The following ROBO2 variants were observed in gnomAD, a reference collection of about 807,000 sequenced individuals.
ROBO2 encodes the protein roundabout homolog 2.
ROBO2 carries 53 observed loss-of-function variants against 160.8 expected under a neutral mutation model. That is an observed-to-expected ratio of 0.33 (90% CI 0.26 to 0.41). ROBO2 has a LOEUF of 0.41. Among genes scored for constraint, ROBO2 ranks in the 10% least tolerant of loss-of-function variants. The pLI, the probability that ROBO2 is intolerant of heterozygous loss-of-function variation, is 1.00. For synonymous variants in ROBO2, 664 were observed against 611.7 expected (o/e 1.09, Z -1.26); for missense variants, 1,577 against 1,722.4 (o/e 0.92, Z 1.49).
chr3:76,220,483 C>T (rs1703892584), intron 2 of ROBO2, among the ~76,000 whole-genome samples: 1 of 152,074 alleles, frequency 6.6e-6, no homozygotes, highest in Admixed American at 6.6e-5. Flanking sequence ...AGTGAGGCTG[C>T]TTTTGTCTTT....
At chr3:76,832,608 G>T (rs773874444) in intron 2 of ROBO2, among the ~76,000 whole-genome samples, 1 of 152,112 alleles carries the variant, frequency 6.6e-6, no homozygotes, top group Non-Finnish European at 1.5e-5. Flanking sequence ...TGAGATGACC[G>T]CTGAAGGGTG....
At chr3:76,764,500 G>T (rs2061473131) in intron 2 of ROBO2, among the ~76,000 whole-genome samples, 1 of 151,612 alleles carries the variant, frequency 6.6e-6, no homozygotes. Flanking sequence ...AATATTAAAT[G>T]ACCATTTATA....
chr3:77,630,911 C>G (rs1235481507), intron 23 of ROBO2: 1 of 150,824 alleles, frequency 6.6e-6, no homozygotes, highest in Non-Finnish European at 1.5e-5. Flanking sequence ...ATCCTCCGTT[C>G]CAGAGTTTCA....
chr3:77,012,296 T>G (rs1419615889), intron 2 of ROBO2, among the ~76,000 whole-genome samples: 1 of 152,186 alleles, frequency 6.6e-6, no homozygotes, highest in Non-Finnish European at 1.5e-5. Context: ...CACCAAATAA[T>G]AGAAATGTAC....
intron 2 of ROBO2, among the ~76,000 whole-genome samples, chr3:77,413,670 T>C (rs1432946361): frequency 6.6e-6 from 1 of 152,140 alleles, no homozygotes; most frequent in East Asian, 1.9e-4. Context: ...AATTAGAATA[T>C]GGTGTATTTT....
intron 2 of ROBO2, among the ~76,000 whole-genome samples, chr3:77,237,982 C>T (rs894554824): frequency 3.9e-5 from 6 of 152,086 alleles, no homozygotes; most frequent in South Asian, 2.1e-4. Context: ...ATTTACCTGA[C>T]GACATATGAT....
At chr3:76,379,954 T>G (rs1387942112) in intron 2 of ROBO2, among the ~76,000 whole-genome samples, 2 of 152,182 alleles carry the variant, frequency 1.3e-5, no homozygotes, top group African/African-American at 4.8e-5. Context: ...TTGTTATTTA[T>G]TTTTCATTTA....
At chr3:77,514,803 T>G (rs1425525330) in intron 5 of ROBO2, among the ~76,000 whole-genome samples, 1 of 151,742 alleles carries the variant, frequency 6.6e-6, no homozygotes, top group Non-Finnish European at 1.5e-5. Flanking sequence ...CATGGACCAA[T>G]GTATCTTGAA....
At chr3:76,659,521 G>C (rs552852694) in intron 2 of ROBO2, among the ~76,000 whole-genome samples, 1 of 151,944 alleles carries the variant, frequency 6.6e-6, no homozygotes, top group Non-Finnish European at 1.5e-5. Flanking sequence ...GGCTCACCCT[G>C]TACTATAATT....
chr3:76,114,271 C>T (rs11128503), intron 2 of ROBO2, among the ~76,000 whole-genome samples: 75,861 of 151,908 alleles, frequency 0.5, 20,687 homozygotes, highest in African/African-American at 0.73. Context: ...CCCAAGTACT[C>T]TGTGAATATC....
intron 2 of ROBO2, among the ~76,000 whole-genome samples, chr3:77,337,580 A>C (rs2066617014): frequency 6.6e-6 from 1 of 152,160 alleles, no homozygotes; most frequent in Non-Finnish European, 1.5e-5. Flanking sequence ...ATATAAAATT[A>C]TGTTTCTTAT....
At chr3:77,413,919 T>C (rs2077002953) in intron 2 of ROBO2, among the ~76,000 whole-genome samples, 1 of 152,118 alleles carries the variant, frequency 6.6e-6, no homozygotes, top group African/African-American at 2.4e-5. Flanking sequence ...GGAAGAGATA[T>C]GGCTTCAACA....
At chr3:76,328,296 C>G (rs2073183690) in intron 2 of ROBO2, among the ~76,000 whole-genome samples, 1 of 152,132 alleles carries the variant, frequency 6.6e-6, no homozygotes, top group Non-Finnish European at 1.5e-5. Flanking sequence ...TGCTGAATAT[C>G]CCATTAACCA....
At chr3:76,453,710 G>A (rs970789713) in intron 2 of ROBO2, among the ~76,000 whole-genome samples, 2 of 152,106 alleles carry the variant, frequency 1.3e-5, no homozygotes, top group Admixed American at 1.3e-4. Context: ...TGCCAAACAT[G>A]TCATGGGCAT....
intron 2 of ROBO2, among the ~76,000 whole-genome samples, chr3:77,167,650 C>T (rs890631074): frequency 6.6e-6 from 1 of 152,050 alleles, no homozygotes; most frequent in Admixed American, 6.5e-5. Context: ...GATATTTAGG[C>T]CTTAACAAGT....
chr3:77,534,318 T>A (rs891946519), intron 6 of ROBO2, among the ~76,000 whole-genome samples: 4 of 152,120 alleles, frequency 2.6e-5, no homozygotes, highest in African/African-American at 9.6e-5. Flanking sequence ...AAAATAAATA[T>A]TAAGTATTTC....
intron 2 of ROBO2, among the ~76,000 whole-genome samples, chr3:76,991,010 C>T (rs1368176260): frequency 6.6e-6 from 1 of 152,168 alleles, no homozygotes; most frequent in African/African-American, 2.4e-5. Flanking sequence ...TTGTAAAACC[C>T]AGGTCAGAAG....
chr3:76,070,133 GA>G (rs1331465263), intron 2 of ROBO2, among the ~76,000 whole-genome samples: 1 of 152,146 alleles, frequency 6.6e-6, no homozygotes, highest in East Asian at 1.9e-4. Flanking sequence ...TGGGTACCTT[GA>G]AAAAAGAACA....
At chr3:77,641,952 T>G (rs1325073899) in intron 24 of ROBO2, among the ~76,000 whole-genome samples, 1 of 152,162 alleles carries the variant, frequency 6.6e-6, no homozygotes, top group Non-Finnish European at 1.5e-5. Context: ...TATCTCAAAT[T>G]TCTGTGAGGC....
Sources: allele counts gnomAD v4.1 joint callset (sites outside exome capture counted in the v4.1 genomes callset), GRCh38; gene constraint gnomAD v4.1.1; transcripts MANE v1.5; gene names NCBI Gene and HGNC (gene_info 2026-07-23, HGNC 2026-07-21).